The following GABRA3 variants were observed in gnomAD, a reference collection of about 807,000 sequenced individuals.
GABRA3 encodes gamma-aminobutyric acid receptor subunit alpha-3.
In GABRA3, 10 loss-of-function variants were observed where a neutral mutation model predicts 30.1. The ratio of observed to expected loss-of-function variants is 0.33; its 90% CI spans 0.20 to 0.56. The LOEUF is 0.56. Ranked by LOEUF, GABRA3 falls within the 20% of genes least tolerant of loss-of-function variation. GABRA3 has a pLI of 0.89. For synonymous variants in GABRA3, 151 were observed against 146.8 expected (o/e 1.03, Z -0.21); for missense variants, 233 against 392.0 (o/e 0.59, Z 3.42).
rs751004210 is a variant in GABRA3, at chrX:152,301,549, T to C, written c.263-16814A>G. Among the ~76,000 whole-genome samples, 12 of 111,898 alleles carry C rather than the reference T, an allele frequency of 1.1e-4. No homozygotes were observed. In the South Asian group the frequency reaches 3.8e-3, roughly 36 times the overall value. ...ATGTTTTTTTGTTTCTTTTTTCTTT[T>C]TGAGACAGAGTCTCACTCTTGTTGC... On this transcript the variant is annotated intron_variant, in intron 3 of 9. Transcript: ENST00000370314.
At chrX:152,408,765 C>A (rs757983125) in intron 1 of GABRA3, among the ~76,000 whole-genome samples, 1 of 102,393 alleles carries the variant, frequency 9.8e-6, no homozygotes. Flanking sequence ...CAAAGTCATC[C>A]TGAGGAAAAA....
intron 3 of GABRA3, among the ~76,000 whole-genome samples, chrX:152,320,224 T>G (rs1205489178): frequency 9.0e-6 from 1 of 111,590 alleles, no homozygotes; most frequent in Non-Finnish European, 1.9e-5. Context: ...CTACTGGATA[T>G]CTACCCAGAA....
chrX:152,196,446 G>A (rs1937390378), intron 8 of GABRA3, among the ~76,000 whole-genome samples: 2 of 103,700 alleles, frequency 1.9e-5, no homozygotes, highest in African/African-American at 7.0e-5. Flanking sequence ...AAGGAAGGAA[G>A]GAAGAAGGAA....
At chrX:152,185,153 C>G (rs1305419638) in intron 9 of GABRA3, among the ~76,000 whole-genome samples, 2 of 111,371 alleles carry the variant, frequency 1.8e-5, no homozygotes, top group African/African-American at 3.2e-5. Context: ...TTTTCCCTTC[C>G]AATGCACTTC....
intron 1 of GABRA3, among the ~76,000 whole-genome samples, chrX:152,440,837 G>C (rs1275968478): frequency 9.0e-6 from 1 of 110,546 alleles, no homozygotes; most frequent in Non-Finnish European, 1.9e-5. Context: ...CACAGGGAGG[G>C]GAACATCACA....
chrX:152,207,239 T>C (rs1018118291), intron 7 of GABRA3, among the ~76,000 whole-genome samples: 3 of 111,744 alleles, frequency 2.7e-5, no homozygotes, highest in African/African-American at 9.8e-5. Flanking sequence ...AGACAAGTGT[T>C]GCTTGAAAAT....
In GABRA3 at chrX:152,357,339, T is replaced by C. The variant is rs768399841; in HGVS notation, c.140+7092A>G. 5.7e-4 allele frequency among the ~76,000 whole-genome samples: 64 copies of C among 112,018 alleles called. 1 individual carries two copies. Among genetic ancestry groups the C allele is most frequent in the African/African-American group, 2.0e-3 (62 of 30,853 alleles). ...CCATTCGGACTGATATGAGATGGTA[T>C]CTCATTGTGGTTTTGATTTGCATTT... is the stretch of plus-strand genomic sequence containing the variant. On this transcript the variant is annotated intron_variant, in intron 2 of 9. Coordinates refer to ENST00000370314, the MANE Select transcript of GABRA3 (RefSeq NM_000808.4).
Position 152,264,143 on chromosome X carries a change from C to A in GABRA3, c.331-8145G>T, listed in dbSNP as rs190346455. Among the ~76,000 whole-genome samples the A allele has an allele frequency of 3.5e-3, 386 of 111,225 alleles. 2 individuals carry two copies. The highest frequency in any genetic ancestry group is 6.1e-3 in the Non-Finnish European group (325 of 52,869). On this transcript the variant is annotated intron_variant, in intron 4 of 9. Transcript: ENST00000370314. ...AGTAATAAGAAATAATCTGAAGGTA[C>A]AAAACTCCCTGGTGTTACTAAGTAC...
intron 3 of GABRA3, among the ~76,000 whole-genome samples, chrX:152,308,113 G>A (rs1939747086): frequency 1.8e-5 from 2 of 112,369 alleles, no homozygotes; most frequent in Admixed American, 9.4e-5. Context: ...CCTTTCCCAG[G>A]GTCCCTGCCT....
At chrX:152,178,617 G>C (rs1297214095) in intron 9 of GABRA3, among the ~76,000 whole-genome samples, 1 of 111,817 alleles carries the variant, frequency 8.9e-6, no homozygotes, top group Non-Finnish European at 1.9e-5. Context: ...TATACAAGAA[G>C]TTATACAAAT....
At chrX:152,229,381 T>C in intron 5 of GABRA3, among the ~76,000 whole-genome samples, 1 of 111,165 alleles carries the variant, frequency 9.0e-6, no homozygotes, top group Middle Eastern at 4.6e-3. Flanking sequence ...TGGCCCTGCA[T>C]CTGCACCCTT....
chrX:152,329,300 C>T (rs1940122474), intron 3 of GABRA3, among the ~76,000 whole-genome samples: 1 of 111,594 alleles, frequency 9.0e-6, no homozygotes, highest in African/African-American at 3.3e-5. Flanking sequence ...CAATGCCATC[C>T]CCATCAAGCT....
intron 1 of GABRA3, among the ~76,000 whole-genome samples, chrX:152,447,260 C>T (rs1333761564): frequency 9.0e-6 from 1 of 111,212 alleles, no homozygotes. Context: ...GTCAGTTATC[C>T]TGCTCAAAGC....
At chrX:152,326,983 G>A (rs1237794501) in intron 3 of GABRA3, among the ~76,000 whole-genome samples, 1 of 108,153 alleles carries the variant, frequency 9.2e-6, no homozygotes, top group Non-Finnish European at 1.9e-5. Flanking sequence ...GACACATACA[G>A]GCTCAAAATA....
intron 5 of GABRA3, among the ~76,000 whole-genome samples, chrX:152,254,464 A>G (rs1938605960): frequency 1.8e-5 from 2 of 109,168 alleles, no homozygotes; most frequent in East Asian, 2.9e-4. Context: ...GCCTCTATGT[A>G]CTCTGTGTAA....
intron 2 of GABRA3, among the ~76,000 whole-genome samples, chrX:152,354,353 A>G (rs920684586): frequency 1.8e-5 from 2 of 111,708 alleles, no homozygotes; most frequent in African/African-American, 6.5e-5. Flanking sequence ...GATTATATTA[A>G]TCAACATATA....
intron 1 of GABRA3, among the ~76,000 whole-genome samples, chrX:152,402,540 A>C (rs1339863538): frequency 1.8e-5 from 2 of 111,807 alleles, no homozygotes; most frequent in African/African-American, 3.3e-5. Context: ...AAGTCTAATA[A>C]TCTATAATTC....
Position 152,429,218 on chromosome X carries a change from A to T in GABRA3, c.-27+21928T>A, listed in dbSNP as rs184115030. Among the ~76,000 whole-genome samples, 11 of 110,813 alleles carry T rather than the reference A, an allele frequency of 9.9e-5. No individual in the cohort carries two copies. In the East Asian group the frequency reaches 2.9e-3, roughly 29 times the overall value. ...CCAGACTTCCTAGTGTTTGCTAAAT[A>T]TTCCTTCCACTACTTCTATTAATCT... is the stretch of plus-strand genomic sequence containing the variant. On this transcript the variant is annotated intron_variant, in intron 1 of 9. Transcript: ENST00000370314.
At chrX:152,264,056 A>G (rs1012933683) in intron 4 of GABRA3, among the ~76,000 whole-genome samples, 1 of 111,992 alleles carries the variant, frequency 8.9e-6, no homozygotes, top group African/African-American at 3.2e-5. Context: ...CATCACAACC[A>G]GACCTGCCCT....
Sources: gnomAD v4.1 joint callset for allele counts (sites outside exome capture counted in the v4.1 genomes callset) on GRCh38, gnomAD v4.1.1 for gene constraint, MANE v1.5 for transcripts, NCBI Gene and HGNC (gene_info 2026-07-23, HGNC 2026-07-21) for gene names.